The following NTSR1 variants were observed in gnomAD, a reference collection of about 807,000 sequenced individuals.
The protein encoded by NTSR1 is neurotensin receptor type 1.
NTSR1 carries 29 observed loss-of-function variants against 31.2 expected under a neutral mutation model. The observed-to-expected ratio is 0.93, with a 90% CI of 0.69 to 1.27. The LOEUF (loss-of-function observed/expected upper bound fraction) is 1.27. Ranked by LOEUF, NTSR1 falls within the 50% of genes most tolerant of loss-of-function variation. NTSR1 has a pLI of 0.00. For synonymous variants in NTSR1, 282 were observed against 269.9 expected, an observed-to-expected ratio of 1.04 and a Z score of -0.44; for missense variants, 697 against 595.4, an observed-to-expected ratio of 1.17 and a Z score of -1.78.
Position 62,709,873 on chromosome 20 carries a change from G to T in NTSR1, c.666G>T (p.Leu222=). The change falls in exon 1 of 4, where the codon CTG becomes CTT. Residue 222 remains leucine (L), a synonymous_variant. Coordinates refer to ENST00000370501, the MANE Select transcript of NTSR1 (RefSeq NM_002531.3). ...CCGACGGCCAGCACGCCGGCGGCCT[G>T]GTGTGCACCCCCACCATCCACACTG... ...RSADGQHAGG[L]VCTPTIHTAT... 1 of 1,606,476 alleles carries T rather than the reference G, an allele frequency of 6.2e-7. No individual in the cohort carries two copies. Among genetic ancestry groups the T allele is most frequent in the Middle Eastern group, 1.7e-4 (1 of 6,042 alleles).
chr20:62,710,679 G>C (rs535458370), intron 1 of NTSR1, among the ~76,000 whole-genome samples: 1 of 152,184 alleles, frequency 6.6e-6, no homozygotes, highest in Non-Finnish European at 1.5e-5. Flanking sequence ...GTGGGAATGC[G>C]GGTGGGAAGC....
In NTSR1 at chr20:62,711,977, C is replaced by T. The variant is rs1300560886; in HGVS notation, c.714+2056C>T. Among the ~76,000 whole-genome samples the T allele has an allele frequency of 4.6e-5, 7 of 152,242 alleles. No individual in the cohort carries two copies. Among genetic ancestry groups the T allele is most frequent in the Admixed American group, 4.6e-4 (7 of 15,292 alleles). On this transcript the variant is annotated intron_variant, in intron 1 of 3. Coordinates refer to ENST00000370501, the MANE Select transcript of NTSR1 (RefSeq NM_002531.3). The surrounding 1 kb of genome is among the most constrained non-coding windows in gnomAD (Gnocchi z 6.4). ...CTGGCCGAGCGTTGCTGAAGGCACC[C>T]TTGGAGAACGTAGTTTCCATTTTTC...
chr20:62,737,385 A>G (rs1989114935), intron 1 of NTSR1, among the ~76,000 whole-genome samples: 1 of 152,226 alleles, frequency 6.6e-6, no homozygotes, highest in South Asian at 2.1e-4. Flanking sequence ...ACCCCACCCT[A>G]GGATGCGTGT....
intron 1 of NTSR1, among the ~76,000 whole-genome samples, chr20:62,750,655 C>T (rs1490880377): frequency 6.9e-6 from 1 of 145,652 alleles, no homozygotes; most frequent in Non-Finnish European, 1.5e-5. Context: ...CATGCCACTG[C>T]ACTCCAGCCT....
At chr20:62,728,844 C>A (rs1248631628) in intron 1 of NTSR1, among the ~76,000 whole-genome samples, 1 of 152,178 alleles carries the variant, frequency 6.6e-6, no homozygotes, top group Admixed American at 6.5e-5. Flanking sequence ...CAGAACCGGC[C>A]CTCAGTGGAG....
intron 2 of NTSR1, among the ~76,000 whole-genome samples, chr20:62,757,380 T>C (rs112224456): frequency 2.0e-5 from 3 of 152,312 alleles, no homozygotes; most frequent in African/African-American, 7.2e-5. Flanking sequence ...AAGGTAAGGG[T>C]TCGTTTCTGA....
At chr20:62,738,233 G>A (rs569216414) in intron 1 of NTSR1, among the ~76,000 whole-genome samples, 83 of 152,266 alleles carry the variant, frequency 5.5e-4, no homozygotes, top group Middle Eastern at 3.4e-3. Flanking sequence ...AGAGGGTGAC[G>A]GAGGGTGCTA....
chr20:62,754,310 C>T (rs1232446435), intron 1 of NTSR1, among the ~76,000 whole-genome samples: 3 of 152,196 alleles, frequency 2.0e-5, no homozygotes, highest in Admixed American at 6.5e-5. Flanking sequence ...TGGGCCTCAG[C>T]CATGCACACA....
At chr20:62,728,768 A>C (rs1282874831) in intron 1 of NTSR1, among the ~76,000 whole-genome samples, 5 of 152,176 alleles carry the variant, frequency 3.3e-5, no homozygotes, top group Non-Finnish European at 7.3e-5. Flanking sequence ...CAAACGCCAG[A>C]GGCACGTCCA....
rs146576458 is a variant in NTSR1, at chr20:62,715,876, C to T, written c.714+5955C>T. 2.9e-4 allele frequency among the ~76,000 whole-genome samples: 44 copies of T among 152,296 alleles called. 1 individual carries two copies. The highest frequency in any genetic ancestry group is 5.4e-4 in the Non-Finnish European group (37 of 68,024). On this transcript the variant is annotated intron_variant, in intron 1 of 3. Coordinates refer to ENST00000370501, the MANE Select transcript of NTSR1 (RefSeq NM_002531.3). The surrounding 1 kb of genome is among the most constrained non-coding windows in gnomAD (Gnocchi z 4.7). ...CACTGGGGCTCCCAGCTGGTAACATCTGATGATGGGCAGAGAGGGCCCTGG... is the reference window on the plus strand; with the variant it reads ...CACTGGGGCTCCCAGCTGGTAACATTTGATGATGGGCAGAGAGGGCCCTGG...
At chr20:62,727,199 G>T (rs1437976344) in intron 1 of NTSR1, among the ~76,000 whole-genome samples, 3 of 152,150 alleles carry the variant, frequency 2.0e-5, no homozygotes, top group Non-Finnish European at 4.4e-5. Context: ...GCTCCGCACT[G>T]CCCCCACCCT....
rs571975885 is a variant in NTSR1 at position 62,713,622 on chromosome 20, C to G, written c.714+3701C>G. 2.0e-5 allele frequency among the ~76,000 whole-genome samples: 3 copies of G among 152,284 alleles called. No individual in the cohort carries two copies. In the East Asian group the frequency reaches 5.8e-4, roughly 29 times the overall value. ...GGTGTTTAGAGTGTGGAGTCTGCAACTTATTCTCAAATCATTCAGAAAGAA... is the reference window on the plus strand; with the variant it reads ...GGTGTTTAGAGTGTGGAGTCTGCAAGTTATTCTCAAATCATTCAGAAAGAA... On this transcript the variant is annotated intron_variant, in intron 1 of 3. Coordinates refer to ENST00000370501, the MANE Select transcript of NTSR1 (RefSeq NM_002531.3).
rs953565247 is a variant in NTSR1, at chr20:62,741,170, G to C, written c.715-13515G>C. ...CTAAGGCCCTCTGGGCTAAGTCAGG[G>C]GTCTCCCGGCAGCCAGGCTGCTAAG... On this transcript the variant is annotated intron_variant, in intron 1 of 3. Coordinates refer to ENST00000370501, the MANE Select transcript of NTSR1 (RefSeq NM_002531.3). The surrounding 1 kb of genome is among the most constrained non-coding windows in gnomAD (Gnocchi z 4.3). Among the ~76,000 whole-genome samples the C allele has an allele frequency of 6.6e-6, 1 of 150,620 alleles. No homozygotes were observed. Among genetic ancestry groups the C allele is most frequent in the African/African-American group, 2.4e-5 (1 of 41,364 alleles).
intron 1 of NTSR1, among the ~76,000 whole-genome samples, chr20:62,749,381 AGCTTAAAGTG>A (rs1989355776): frequency 6.6e-6 from 1 of 152,172 alleles, no homozygotes; most frequent in Admixed American, 6.5e-5. Context: ...AAAAAAAATC[AGCTTAAAGTG>A]GATTAAAGAT....
intron 1 of NTSR1, among the ~76,000 whole-genome samples, chr20:62,749,064 T>TA (rs1766712175): frequency 6.6e-6 from 1 of 152,196 alleles, no homozygotes; most frequent in South Asian, 2.1e-4. Context: ...AAAATGGACT[T>TA]AGACACAAGG....
chr20:62,758,489 G>C lies in NTSR1; in HGVS notation c.1007+133G>C. On this transcript the variant is annotated intron_variant, in intron 3 of 3. Coordinates refer to ENST00000370501, the MANE Select transcript of NTSR1 (RefSeq NM_002531.3). This position sits in a 1 kb window ranked among gnomAD's most constrained non-coding sequence, Gnocchi z 4.5. Reference sequence around the variant, plus strand: ...GGTGAGTCCCCCGGCGACCCCCTGGGCAGGGTTGTGCTGTGACTGGGGCCG... The same window carrying C: ...GGTGAGTCCCCCGGCGACCCCCTGGCCAGGGTTGTGCTGTGACTGGGGCCG... The C allele has an allele frequency of 1.3e-6, 1 of 764,546 alleles. No individual in the cohort carries two copies. Among genetic ancestry groups the C allele is most frequent in the Non-Finnish European group, 2.2e-6 (1 of 459,336 alleles). The allele number at this position is 764,546 out of a possible 1,614,324, so 47.4% of individuals were successfully genotyped here. A position where few individuals can be genotyped will look rare whatever the true frequency, so the allele number is the denominator to read the frequency against.
At chr20:62,757,214 G>A (rs1010042805) in intron 2 of NTSR1, among the ~76,000 whole-genome samples, 1 of 152,160 alleles carries the variant, frequency 6.6e-6, no homozygotes, top group African/African-American at 2.4e-5. Context: ...TAGTTCTTAT[G>A]TTCAGGTCTT....
At chr20:62,759,993 T>A (rs1469202780) in intron 3 of NTSR1, 25 bp from the exon 4 acceptor site, 2 of 1,609,956 alleles carry the variant, frequency 1.2e-6, no homozygotes, top group South Asian at 1.1e-5. Flanking sequence ...CTCTCTGGGA[T>A]CTGAGCGCCT....
At chr20:62,710,594 C>T (rs1988589333) in intron 1 of NTSR1, among the ~76,000 whole-genome samples, 1 of 151,954 alleles carries the variant, frequency 6.6e-6, no homozygotes, top group Non-Finnish European at 1.5e-5. Flanking sequence ...CTGCGTGTGG[C>T]GGCGGTGTTG....
Sources: gnomAD v4.1 joint callset for allele counts (sites outside exome capture counted in the v4.1 genomes callset) on GRCh38, gnomAD v4.1.1 for gene constraint, Gnocchi (gnomAD v3.1) non-coding constraint, MANE v1.5 for transcripts, NCBI Gene and HGNC (gene_info 2026-07-23, HGNC 2026-07-21) for gene names.